The following ABCA12 variants were observed in gnomAD, a reference collection of about 807,000 sequenced individuals.
The protein encoded by ABCA12 is glucosylceramide transporter ABCA12.
ABCA12 carries 156 observed loss-of-function variants against 293.5 expected under a neutral mutation model. That is an observed-to-expected ratio of 0.53 (90% CI 0.47 to 0.61). The LOEUF (loss-of-function observed/expected upper bound fraction) is 0.61, where lower values mean the gene tolerates loss of function less well. Among genes scored for constraint, ABCA12 ranks in the 20% least tolerant of loss-of-function variants. The pLI is 0.00. For synonymous variants in ABCA12, 1,063 were observed against 1,108.0 expected, an observed-to-expected ratio of 0.96 and a Z score of 0.81; for missense variants, 2,797 against 3,090.2, an observed-to-expected ratio of 0.91 and a Z score of 2.25.
At chr2:214,941,270 G>A (rs928794084) in intron 50 of ABCA12, among the ~76,000 whole-genome samples, 4 of 152,060 alleles carry the variant, frequency 2.6e-5, no homozygotes, top group African/African-American at 9.7e-5. Context: ...GTAGTTGTGC[G>A]GTTTTGAGTG....
intron 51 of ABCA12, among the ~76,000 whole-genome samples, chr2:214,934,726 T>C (rs1698166218): frequency 6.6e-6 from 1 of 152,204 alleles, no homozygotes; most frequent in African/African-American, 2.4e-5. Context: ...CCAATTTCTT[T>C]ATTTCGGTCA....
intron 2 of ABCA12, among the ~76,000 whole-genome samples, chr2:215,103,489 C>T (rs1223607605): frequency 2.0e-5 from 3 of 151,816 alleles, no homozygotes; most frequent in Non-Finnish European, 2.9e-5. Flanking sequence ...AGGCTGGTCT[C>T]GAACTCCTGA....
chr2:215,099,870 T>C (rs1702319949), intron 2 of ABCA12, among the ~76,000 whole-genome samples: 1 of 152,152 alleles, frequency 6.6e-6, no homozygotes, highest in South Asian at 2.1e-4. Context: ...ACAAACTTCC[T>C]TTAGTTTACC....
chr2:215,060,659 GA>G (rs1311417731), intron 3 of ABCA12, among the ~76,000 whole-genome samples: 2 of 151,972 alleles, frequency 1.3e-5, no homozygotes, highest in African/African-American at 4.8e-5. Flanking sequence ...ATTAATACAA[GA>G]AGAGACCTCT....
In ABCA12 at chr2:215,105,960, A is replaced by G. The variant is rs1035957880; in HGVS notation, c.163+5637T>C. Among the ~76,000 whole-genome samples the G allele has an allele frequency of 2.6e-4, 40 of 152,304 alleles. 1 individual carries two copies. The highest frequency in any genetic ancestry group is 4.8e-5 in the African/African-American group (2 of 41,560). On this transcript the variant is annotated intron_variant, in intron 2 of 52. Transcript: ENST00000272895. ...AAAAACCTATGTAAATTTTTAGCCA[A>G]TCAAGATAGCAAATGAAATTATTTC...
intron 39 of ABCA12, among the ~76,000 whole-genome samples, chr2:214,963,705 GGA>G (rs1204001540): frequency 1.3e-5 from 2 of 150,974 alleles, no homozygotes; most frequent in South Asian, 2.1e-4. Context: ...CCTGAAGTCA[GGA>G]GTTCAAGACC....
rs114574603 is a variant in ABCA12 at position 215,103,251 on chromosome 2, C to A, written c.163+8346G>T. ...AATAAATGTGAAACTTTAACAATGT[C>A]TCTTAAAATTTCTTTCTTTTTTTTT... is the stretch of plus-strand genomic sequence containing the variant. On this transcript the variant is annotated intron_variant, in intron 2 of 52. Transcript: ENST00000272895. 9.0e-3 allele frequency among the ~76,000 whole-genome samples: 1,309 copies of A among 146,112 alleles called. 8 individuals carry two copies. The highest frequency in any genetic ancestry group is 0.014 in the Non-Finnish European group (931 of 67,234).
At chr2:215,051,026 T>C (rs924297274) in intron 5 of ABCA12, among the ~76,000 whole-genome samples, 24 of 152,152 alleles carry the variant, frequency 1.6e-4, no homozygotes, top group Non-Finnish European at 2.9e-4. Context: ...TGAAATTCTA[T>C]TCCATATGAG....
At chr2:214,998,515 G>A (rs1700080109) in intron 22 of ABCA12, among the ~76,000 whole-genome samples, 1 of 152,124 alleles carries the variant, frequency 6.6e-6, no homozygotes, top group Admixed American at 6.5e-5. Flanking sequence ...GTAATGCTCT[G>A]GAAGATGCTT....
At chr2:215,004,578 C>T (rs186908249) in intron 19 of ABCA12, among the ~76,000 whole-genome samples, 87 of 152,224 alleles carry the variant, frequency 5.7e-4, no homozygotes, top group African/African-American at 1.9e-3. Context: ...AATTTATATT[C>T]GATTTAACAG....
At chr2:214,999,782 C>T in intron 22 of ABCA12, 1 of 984,628 alleles carries the variant, frequency 1.0e-6, no homozygotes, top group Non-Finnish European at 1.2e-6. Flanking sequence ...TTGATGGACT[C>T]CTTACCTGCT....
chr2:214,993,769 T>C (rs1287142588), intron 23 of ABCA12, among the ~76,000 whole-genome samples: 1 of 152,220 alleles, frequency 6.6e-6, no homozygotes, highest in Admixed American at 6.5e-5. Flanking sequence ...GCTGATGTCA[T>C]GTGTATAAAC....
At chr2:215,061,272 A>G (rs1045831309) in intron 3 of ABCA12, among the ~76,000 whole-genome samples, 4 of 151,954 alleles carry the variant, frequency 2.6e-5, no homozygotes, top group Non-Finnish European at 5.9e-5. Context: ...ATGCTTAGAG[A>G]TGTATAAATT....
At chr2:214,980,870 G>A (rs1415512543) in intron 30 of ABCA12, among the ~76,000 whole-genome samples, 2 of 152,050 alleles carry the variant, frequency 1.3e-5, no homozygotes, top group Non-Finnish European at 2.9e-5. Flanking sequence ...AGGTTGAGGC[G>A]GGCAGATCAC....
Position 215,134,599 on chromosome 2 carries a change from C to CTCTA in ABCA12, c.69+3540_69+3541insTAGA, listed in dbSNP as rs1278151109. 8.4e-4 allele frequency among the ~76,000 whole-genome samples: 72 copies of CTCTA among 85,268 alleles called. 7 individuals carry two copies. The highest frequency in any genetic ancestry group is 5.1e-3 in the African/African-American group (66 of 13,018). The allele number at this position is 85,268 out of a possible 152,430, so 55.9% of individuals were successfully genotyped here. A position where few individuals can be genotyped will look rare whatever the true frequency, so the allele number is the denominator to read the frequency against. On this transcript the variant is annotated intron_variant, in intron 1 of 52. Coordinates refer to ENST00000272895, the MANE Select transcript of ABCA12 (RefSeq NM_173076.3). ...ATAATCTCTCTCTCTCTCTCTCTCT[C>CTCTA]TATATATATATATATATAGAGAGAG... is the stretch of plus-strand genomic sequence containing the variant.
At position 214,973,952 on chromosome 2, in the gene ABCA12, G is replaced by C; in HGVS notation, c.5559C>G (p.Val1853=). The change falls in exon 36 of 53, where the codon GTC becomes GTG. Residue 1853 remains valine (V), a synonymous_variant. Coordinates refer to ENST00000272895, the MANE Select transcript of ABCA12 (RefSeq NM_173076.3). ...NFGVCSCSEN[V]QECPKFNYSP... Reference sequence around the variant, plus strand: ...CTGAAACTGAATTCCATCTTACCTGGACATTTTCTGAGCAGGAGCAAACAC... The same window carrying C: ...CTGAAACTGAATTCCATCTTACCTGCACATTTTCTGAGCAGGAGCAAACAC... 1 of 1,613,156 alleles carries C rather than the reference G, an allele frequency of 6.2e-7. No homozygotes were observed. Among genetic ancestry groups the C allele is most frequent in the Non-Finnish European group, 8.5e-7 (1 of 1,179,282 alleles).
chr2:214,990,999 G>T lies in ABCA12; in HGVS notation c.3327C>A (p.Ser1109Arg). Residue 1109 changes from serine to arginine, a missense_variant, in exon 24 of 53, where the codon AGC (serine) becomes AGA (arginine). By Grantham distance (110) the Ser-to-Arg change is moderately radical (BLOSUM62 -1). Transcript: ENST00000272895. The stretch of plus-strand genomic sequence containing the variant: ...TCTCTATAAGCCAGGCAAAGAAATG[G>T]CTGCAGGAGTTCACACCCATCATCT... ...YMKMMGVNSC[S>R]HFFAWLIESV... The T allele has an allele frequency of 1.2e-6, 2 of 1,613,938 alleles. No individual in the cohort carries two copies. The highest frequency in any genetic ancestry group is 1.3e-5 in the African/African-American group (1 of 75,044).
intron 2 of ABCA12, among the ~76,000 whole-genome samples, chr2:215,105,842 T>C (rs1170821556): frequency 6.6e-6 from 1 of 152,138 alleles, no homozygotes; most frequent in Non-Finnish European, 1.5e-5. Flanking sequence ...CTAGTGTTGC[T>C]GGTACTCATG....
At chr2:214,934,052 C>A (rs768440563) in intron 52 of ABCA12, 26 bp downstream of exon 52, 1 of 1,607,916 alleles carries the variant, frequency 6.2e-7, no homozygotes, top group South Asian at 1.1e-5. Context: ...TGACGTTGTG[C>A]ACATGGATCG....
Sources: gnomAD v4.1 joint callset for allele counts (sites outside exome capture counted in the v4.1 genomes callset) on GRCh38, gnomAD v4.1.1 for gene constraint, MANE v1.5 for transcripts, NCBI Gene and HGNC (gene_info 2026-07-23, HGNC 2026-07-21) for gene names.